Variants in ROR2 observed in about 807,000 individuals in gnomAD.
The protein encoded by ROR2 is ROR family WNT receptor 2, also known as tyrosine-protein kinase transmembrane receptor ROR2.
In ROR2, 33 loss-of-function variants were observed where a neutral mutation model predicts 74.9. That is an observed-to-expected ratio of 0.44 (90% CI 0.33 to 0.59). The LOEUF is 0.59. ROR2 is among the 20% of genes least tolerant of loss of function. ROR2 has a pLI of 0.02. For missense variants in ROR2, 1,216 were observed against 1,313.8 expected (o/e 0.93, Z 1.15); for synonymous variants, 586 against 558.7 (o/e 1.05, Z -0.69).
At position 91,914,667 on chromosome 9, in the gene ROR2, G is replaced by GC. The variant is rs1250164127; in HGVS notation, c.97+35199dup. Among the ~76,000 whole-genome samples the GC allele has an allele frequency of 1.5e-4, 23 of 152,186 alleles. No homozygotes were observed. The East Asian group carries it at 2.7e-3, about 18-fold the overall frequency. ...CTCCTCTGCCTGGAAAGGAAGCCCC[G>GC]CCCCCCTTACATCTCATTGGTCAGA... On this transcript the variant is annotated intron_variant, in intron 1 of 8. Coordinates refer to ENST00000375708, the MANE Select transcript of ROR2 (RefSeq NM_004560.4).
intron 4 of ROR2, among the ~76,000 whole-genome samples, chr9:91,755,330 G>A (rs531090692): frequency 2.0e-5 from 3 of 152,350 alleles, no homozygotes; most frequent in South Asian, 4.2e-4. Context: ...ACCATATAGT[G>A]TTCATGCTAT....
chr9:91,829,549 CAAAAAAAAAAAAA>C (rs34687056), intron 1 of ROR2, among the ~76,000 whole-genome samples: 2 of 40,510 alleles, frequency 4.9e-5, no homozygotes, highest in East Asian at 1.4e-3. Context: ...GACTCCGTCT[CAAAAAAAAAAAAA>C]AAAAAAAAAA....
intron 1 of ROR2, among the ~76,000 whole-genome samples, chr9:91,915,287 C>T (rs1243934984): frequency 6.6e-6 from 1 of 152,212 alleles, no homozygotes; most frequent in Non-Finnish European, 1.5e-5. Context: ...TAACTGGAAT[C>T]ATCTTCTCTG....
At chr9:91,810,633 A>C (rs781318407) in intron 1 of ROR2, among the ~76,000 whole-genome samples, 32 of 152,164 alleles carry the variant, frequency 2.1e-4, no homozygotes, top group Admixed American at 7.2e-4. Flanking sequence ...GCATTCACAC[A>C]GGACGCCTGT....
chr9:91,879,123 A>T (rs1259145884), intron 1 of ROR2, among the ~76,000 whole-genome samples: 1 of 152,170 alleles, frequency 6.6e-6, no homozygotes, highest in African/African-American at 2.4e-5. Flanking sequence ...AAGCCACAGA[A>T]ATTGGTCAAA....
At chr9:91,839,251 G>GGGGT (rs1491103564) in intron 1 of ROR2, among the ~76,000 whole-genome samples, 194 of 107,786 alleles carry the variant, frequency 1.8e-3, no homozygotes, top group Non-Finnish European at 2.7e-3. Flanking sequence ...TCAGATCGGG[G>GGGGT]GTGTGTGTGT....
chr9:91,851,642 G>A (rs1829095418), intron 1 of ROR2, among the ~76,000 whole-genome samples: 1 of 152,014 alleles, frequency 6.6e-6, no homozygotes, highest in Admixed American at 6.6e-5. Flanking sequence ...TTTTAATTTT[G>A]GGAGAACAGA....
intron 1 of ROR2, among the ~76,000 whole-genome samples, chr9:91,945,818 T>C (rs1831998186): frequency 6.6e-6 from 1 of 152,212 alleles, no homozygotes. Context: ...CCAGACATAT[T>C]TTATGACAAC....
chr9:91,822,202 T>C (rs1042767798), intron 1 of ROR2, among the ~76,000 whole-genome samples: 6 of 152,224 alleles, frequency 3.9e-5, no homozygotes, highest in Non-Finnish European at 8.8e-5. Context: ...TGTTTTCTCC[T>C]GGAGCTGGTT....
At chr9:91,911,933 C>CAAAAAAAAAAAA (rs747087662) in intron 1 of ROR2, among the ~76,000 whole-genome samples, 15 of 76,380 alleles carry the variant, frequency 2.0e-4, no homozygotes, top group East Asian at 8.2e-4. Context: ...TGAGTCTAAG[C>CAAAAAAAAAAAA]AAAAAAAAAA....
chr9:91,898,414 C>T (rs572059959), intron 1 of ROR2, among the ~76,000 whole-genome samples: 31 of 152,288 alleles, frequency 2.0e-4, no homozygotes, highest in African/African-American at 7.5e-4. Flanking sequence ...CAGAGATGGA[C>T]ATTTGAGACC....
Position 91,724,828 on chromosome 9 carries a change from A to G in ROR2, c.1666T>C (p.Cys556Arg). Residue 556 changes from cysteine to arginine, a missense_variant, in exon 9 of 9, where the codon TGT (cysteine) becomes CGT (arginine). Cys to Arg is a radical substitution (Grantham distance 180). Transcript: ENST00000375708. The part of the protein sequence containing the change: ...DQPLSMIFSY[C>R]SHGDLHEFLV... Reference sequence around the variant, plus strand: ...AATTCGTGGAGGTCGCCGTGCGAACAGTAGCTGAAGATCATGCTCAGGGGC... The same window carrying G: ...AATTCGTGGAGGTCGCCGTGCGAACGGTAGCTGAAGATCATGCTCAGGGGC... The G allele has an allele frequency of 1.2e-6, 2 of 1,606,026 alleles. No individual in the cohort carries two copies. The highest frequency in any genetic ancestry group is 1.1e-5 in the South Asian group (1 of 90,050).
intron 1 of ROR2, among the ~76,000 whole-genome samples, chr9:91,881,508 C>T (rs911215108): frequency 2.0e-5 from 3 of 152,146 alleles, no homozygotes; most frequent in African/African-American, 7.2e-5. Flanking sequence ...CACTCGAAGT[C>T]GCAGTTTCCA....
intron 8 of ROR2, among the ~76,000 whole-genome samples, chr9:91,725,988 C>T (rs1324481791): frequency 6.6e-6 from 1 of 152,170 alleles, no homozygotes; most frequent in Non-Finnish European, 1.5e-5. Context: ...TGTAAATGCC[C>T]TTTTACAACA....
At chr9:91,795,947 C>T (rs1210453638) in intron 1 of ROR2, among the ~76,000 whole-genome samples, 1 of 151,946 alleles carries the variant, frequency 6.6e-6, no homozygotes, top group Non-Finnish European at 1.5e-5. Context: ...TGATGCCATC[C>T]TCACAGTGTT....
rs555585751 is a variant in ROR2 at position 91,792,466 on chromosome 9, G to A, written c.98-16648C>T. Among the ~76,000 whole-genome samples, 42 of 152,186 alleles carry A rather than the reference G, an allele frequency of 2.8e-4. 2 individuals carry two copies. The highest frequency in any genetic ancestry group is 5.5e-4 in the African/African-American group (23 of 41,526). ...TGGGACTACAGGCGCCCGCCACCACGCCCAGCTAATTTTTTGTACTTTTAG... is the reference window on the plus strand; with the variant it reads ...TGGGACTACAGGCGCCCGCCACCACACCCAGCTAATTTTTTGTACTTTTAG... On this transcript the variant is annotated intron_variant, in intron 1 of 8. Transcript: ENST00000375708.
At position 91,855,902 on chromosome 9, in the gene ROR2, A is replaced by G. The variant is rs540162853; in HGVS notation, c.98-80084T>C. 7.2e-5 allele frequency among the ~76,000 whole-genome samples: 11 copies of G among 152,166 alleles called. 1 individual carries two copies. The South Asian group carries it at 2.1e-3, about 29-fold the overall frequency. ...GGTGAGGCACCGGGGCCGCACCACC[A>G]GAATGATCCTGGGGCTCTGGGTTCC... On this transcript the variant is annotated intron_variant, in intron 1 of 8. Transcript: ENST00000375708.
intron 1 of ROR2, among the ~76,000 whole-genome samples, chr9:91,848,604 A>C (rs1828997124): frequency 1.3e-5 from 2 of 152,186 alleles, no homozygotes; most frequent in South Asian, 4.1e-4. Flanking sequence ...AAAATACAAA[A>C]TTAGCCAGGT....
At chr9:91,848,764 G>GAAAA (rs36044426) in intron 1 of ROR2, among the ~76,000 whole-genome samples, 79 of 103,682 alleles carry the variant, frequency 7.6e-4, no homozygotes, top group African/African-American at 2.1e-3. Flanking sequence ...CAGGGGGGAA[G>GAAAA]AAAAAAAAAA....
Sources: allele counts gnomAD v4.1 joint callset (sites outside exome capture counted in the v4.1 genomes callset), GRCh38; gene constraint gnomAD v4.1.1; transcripts MANE v1.5; gene names NCBI Gene and HGNC (gene_info 2026-07-23, HGNC 2026-07-21).